TENM3: variants seen among roughly 807,000 people sequenced by gnomAD.
TENM3 encodes teneurin-3.
A neutral mutation model predicts 255.1 loss-of-function variants in TENM3; 63 were observed. That is an observed-to-expected ratio of 0.25 (90% CI 0.20 to 0.30). The LOEUF is 0.30. TENM3 is among the 10% of genes least tolerant of loss of function. The pLI is 1.00. For missense variants in TENM3, 2,929 were observed against 3,461.1 expected, an observed-to-expected ratio of 0.85 and a Z score of 3.86; for synonymous variants, 1,306 against 1,322.3, an observed-to-expected ratio of 0.99 and a Z score of 0.27.
chr4:182,620,547 A>G (rs980820841), intron 4 of TENM3, among the ~76,000 whole-genome samples: 2 of 152,178 alleles, frequency 1.3e-5, no homozygotes, highest in African/African-American at 4.8e-5. Flanking sequence ...TTACATGTAT[A>G]TTTTCACATA....
chr4:182,697,542 T>G (rs1757520041), intron 12 of TENM3, among the ~76,000 whole-genome samples: 1 of 152,080 alleles, frequency 6.6e-6, no homozygotes, highest in Admixed American at 6.6e-5. Flanking sequence ...AGAAATTTGA[T>G]GGACAGAGGG....
intron 3 of TENM3, among the ~76,000 whole-genome samples, chr4:182,438,392 G>A (rs993218327): frequency 1.3e-5 from 2 of 152,184 alleles, no homozygotes; most frequent in South Asian, 4.1e-4. Context: ...CGCTGGTTAT[G>A]AAACTACATG....
chr4:181,522,752 G>T, the TENM3 span: 1 of 719,476 alleles, frequency 1.4e-6, no homozygotes, highest in South Asian at 1.4e-5. Context: ...CTAAGAAAAT[G>T]GACCTGAGAG....
At chr4:181,729,614 G>A in the TENM3 span, among the ~76,000 whole-genome samples, 1 of 152,180 alleles carries the variant, frequency 6.6e-6, no homozygotes, top group South Asian at 2.1e-4. Context: ...CCCAAATTTG[G>A]TATGTTAAAC....
intron 12 of TENM3, 37 bp from the exon 13 acceptor site, chr4:182,714,050 C>A: frequency 6.2e-7 from 1 of 1,600,898 alleles, no homozygotes; most frequent in South Asian, 1.1e-5. Context: ...AAACTCAATA[C>A]TCAAATCACT....
chr4:182,466,668 G>C (rs961598698), intron 3 of TENM3, among the ~76,000 whole-genome samples: 2 of 151,794 alleles, frequency 1.3e-5, no homozygotes, highest in Non-Finnish European at 2.9e-5. Flanking sequence ...CCTGTCTTTG[G>C]ATTTAGAGCT....
intron 3 of TENM3, among the ~76,000 whole-genome samples, chr4:182,555,088 A>T (rs924686559): frequency 7.2e-5 from 11 of 152,176 alleles, no homozygotes; most frequent in African/African-American, 2.7e-4. Context: ...ATTAATGGCC[A>T]TGTGAGTGCA....
At chr4:182,338,208 A>G (rs1764260365) in intron 2 of TENM3, among the ~76,000 whole-genome samples, 1 of 152,322 alleles carries the variant, frequency 6.6e-6, no homozygotes, top group African/African-American at 2.4e-5. Flanking sequence ...CCACAGGGGT[A>G]AGATTTGATT....
At chr4:182,732,707 G>A (rs1457104737) in intron 16 of TENM3, among the ~76,000 whole-genome samples, 1 of 152,086 alleles carries the variant, frequency 6.6e-6, no homozygotes, top group African/African-American at 2.4e-5. Context: ...TGCACCTGTA[G>A]TCCTAGCTAC....
At chr4:182,405,120 C>A (rs1363766413) in intron 3 of TENM3, among the ~76,000 whole-genome samples, 1 of 152,112 alleles carries the variant, frequency 6.6e-6, no homozygotes, top group Non-Finnish European at 1.5e-5. Context: ...AGGTATTAGG[C>A]GTCATTACTC....
chr4:182,022,421 A>C, the TENM3 span, among the ~76,000 whole-genome samples: 2 of 151,832 alleles, frequency 1.3e-5, no homozygotes, highest in Admixed American at 6.6e-5. Flanking sequence ...AGAGCTGAAG[A>C]CCTGTGAGGC....
chr4:182,225,989 A>G (rs1756131212), intron 1 of TENM3, among the ~76,000 whole-genome samples: 1 of 152,206 alleles, frequency 6.6e-6, no homozygotes, highest in Non-Finnish European at 1.5e-5. Flanking sequence ...CCATCGGGAA[A>G]TACAGACCAA....
At chr4:181,485,350 C>A in the TENM3 span, among the ~76,000 whole-genome samples, 1 of 152,008 alleles carries the variant, frequency 6.6e-6, no homozygotes, top group Non-Finnish European at 1.5e-5. Context: ...TTTGTGTTCT[C>A]GAAGCTAGAA....
the TENM3 span, among the ~76,000 whole-genome samples, chr4:182,069,220 G>A: frequency 6.6e-6 from 1 of 152,134 alleles, no homozygotes; most frequent in Non-Finnish European, 1.5e-5. Flanking sequence ...TAATAAACAA[G>A]GCAGCCAAAG....
the TENM3 span, among the ~76,000 whole-genome samples, chr4:181,849,949 T>TCTCTCTCTCTCTCACCCACACACACA: frequency 1.5e-5 from 1 of 65,906 alleles, no homozygotes; most frequent in Non-Finnish European, 3.3e-5. Flanking sequence ...TCTCTCTCTC[T>TCTCTCTCTCTCTCACCCACACACACA]CACACACACA....
intron 22 of TENM3, among the ~76,000 whole-genome samples, chr4:182,767,768 T>G (rs1369670977): frequency 2.0e-5 from 3 of 152,170 alleles, no homozygotes; most frequent in African/African-American, 7.2e-5. Context: ...GAAGCAGCTC[T>G]CAAAAGCAGG....
chr4:181,883,530 T>A, the TENM3 span, among the ~76,000 whole-genome samples: 31 of 152,144 alleles, frequency 2.0e-4, no homozygotes, highest in Non-Finnish European at 1.6e-4. Context: ...GCTGGAGTGC[T>A]GTGGTGCGAT....
the TENM3 span, among the ~76,000 whole-genome samples, chr4:181,504,992 G>A: frequency 6.6e-6 from 1 of 152,170 alleles, no homozygotes; most frequent in African/African-American, 2.4e-5. Flanking sequence ...ACACTGATTC[G>A]ACTCCACAAA....
intron 13 of TENM3, among the ~76,000 whole-genome samples, chr4:182,715,173 G>A (rs1395837252): frequency 3.3e-5 from 5 of 152,158 alleles, no homozygotes; most frequent in East Asian, 1.9e-4. Flanking sequence ...GTGAGCCACC[G>A]CACCCAGCCA....
Sources: allele counts gnomAD v4.1 joint callset (sites outside exome capture counted in the v4.1 genomes callset), GRCh38; gene constraint gnomAD v4.1.1; transcripts MANE v1.5; gene names NCBI Gene and HGNC (gene_info 2026-07-23, HGNC 2026-07-21).